RAP1GAP2: variants seen among roughly 807,000 people sequenced by gnomAD.
RAP1GAP2 encodes rap1 GTPase-activating protein 2.
In RAP1GAP2, 27 loss-of-function variants were observed where a neutral mutation model predicts 95.0. That is an observed-to-expected ratio of 0.28 (90% CI 0.21 to 0.39). The LOEUF (loss-of-function observed/expected upper bound fraction) is 0.39, where lower values mean the gene tolerates loss of function less well. RAP1GAP2 is among the 10% of genes least tolerant of loss of function. The pLI is 1.00. For missense variants in RAP1GAP2, 771 were observed against 970.0 expected, an observed-to-expected ratio of 0.79 and a Z score of 2.72; for synonymous variants, 373 against 380.9, an observed-to-expected ratio of 0.98 and a Z score of 0.24.
upstream of RAP1GAP2, among the ~76,000 whole-genome samples, chr17:2,792,416 CTG>C (rs1401146346): frequency 1.3e-5 from 2 of 152,182 alleles, no homozygotes; most frequent in Non-Finnish European, 2.9e-5. Flanking sequence ...GAAGAGAAAA[CTG>C]AGGCCTGGAG....
At chr17:2,934,065 C>T (rs2043233430) in intron 3 of RAP1GAP2, among the ~76,000 whole-genome samples, 1 of 152,252 alleles carries the variant, frequency 6.6e-6, no homozygotes, top group Non-Finnish European at 1.5e-5. Context: ...CCACGGATGG[C>T]GTCCGTCATC....
At chr17:2,907,586 C>G (rs890776180) in intron 3 of RAP1GAP2, among the ~76,000 whole-genome samples, 10 of 152,142 alleles carry the variant, frequency 6.6e-5, no homozygotes, top group Admixed American at 3.9e-4. Flanking sequence ...AACCTAGTCT[C>G]GGAGAGGGTC....
intron 3 of RAP1GAP2, among the ~76,000 whole-genome samples, chr17:2,927,209 A>T (rs940297696): frequency 2.0e-5 from 3 of 150,008 alleles, no homozygotes; most frequent in Non-Finnish European, 3.0e-5. Flanking sequence ...GCTGGAGTGC[A>T]GTGGCGCGAT....
At chr17:2,884,002 G>C (rs1000650496) in intron 2 of RAP1GAP2, among the ~76,000 whole-genome samples, 50 of 152,222 alleles carry the variant, frequency 3.3e-4, no homozygotes, top group African/African-American at 1.2e-3. Flanking sequence ...GCTCCTGTCA[G>C]CCTTCACCTC....
rs78293568 is a variant in RAP1GAP2, at chr17:2,768,711, G to A, written c.51-1618G>A. Among the ~76,000 whole-genome samples, 9 of 112,790 alleles carry A rather than the reference G, an allele frequency of 8.0e-5. No individual in the cohort carries two copies. In the East Asian group the frequency reaches 1.5e-3, roughly 19 times the overall value. The allele number at this position is 112,790 out of a possible 152,430, so 74.0% of individuals were successfully genotyped here. A position where few individuals can be genotyped will look rare whatever the true frequency, so the allele number is the denominator to read the frequency against. On this transcript the variant is annotated intron_variant, in intron 1 of 25. Coordinates refer to the RAP1GAP2 transcript ENST00000637138. ...CTGTCTCAAAAAAAAAAAAAAAAAA[G>A]AGTTGAATTAATGAATAGATTCATG...
At chr17:2,959,675 A>G (rs754478730) in intron 4 of RAP1GAP2, among the ~76,000 whole-genome samples, 8 of 152,238 alleles carry the variant, frequency 5.3e-5, no homozygotes, top group Non-Finnish European at 7.3e-5. Context: ...ACCTAGCCCA[A>G]GAGTCTGGGA....
intron 10 of RAP1GAP2, among the ~76,000 whole-genome samples, chr17:2,982,352 C>A (rs1418270617): frequency 6.6e-6 from 1 of 152,170 alleles, no homozygotes; most frequent in Non-Finnish European, 1.5e-5. Context: ...GTTGGCCAGG[C>A]TGGTCTCGAA....
rs1567928229 is a variant in RAP1GAP2, at chr17:3,035,536, A to T, written c.*2175A>T. The T allele has an allele frequency of 6.5e-6, 1 of 152,802 alleles. No homozygotes were observed. The highest frequency in any genetic ancestry group is 1.5e-5 in the Non-Finnish European group (1 of 68,530). 9.5% of individuals were successfully genotyped at this position (152,802 alleles called of 1,614,324 possible). ...CCCTGCCTCTGAGCTGGTGGGCAGG[A>T]TGGCTGGGTGGCCCCCAGAGAAGCA... On this transcript the variant is annotated 3_prime_UTR_variant, in exon 25 of 25. Transcript: ENST00000254695. The surrounding 1 kb of genome is among the most constrained non-coding windows in gnomAD (Gnocchi z 4.3).
intron 1 of RAP1GAP2, among the ~76,000 whole-genome samples, chr17:2,763,693 C>T (rs1265935973): frequency 6.7e-6 from 1 of 149,204 alleles, no homozygotes; most frequent in Non-Finnish European, 1.5e-5. Flanking sequence ...GAGACTCTGT[C>T]TCAAAACAAA....
intron 3 of RAP1GAP2, among the ~76,000 whole-genome samples, chr17:2,948,997 C>T (rs1200077599): frequency 6.6e-6 from 1 of 152,212 alleles, no homozygotes; most frequent in Non-Finnish European, 1.5e-5. Flanking sequence ...TTCACGTCTG[C>T]CCCTGCTACC....
intron 2 of RAP1GAP2, among the ~76,000 whole-genome samples, chr17:2,832,239 T>C (rs1449990130): frequency 1.4e-5 from 2 of 147,320 alleles, no homozygotes; most frequent in East Asian, 2.0e-4. Context: ...CCCAAATCAT[T>C]TTCCTTAAAA....
At chr17:2,942,143 C>T (rs2043522806) in intron 3 of RAP1GAP2, among the ~76,000 whole-genome samples, 1 of 152,128 alleles carries the variant, frequency 6.6e-6, no homozygotes, top group South Asian at 2.1e-4. Flanking sequence ...GAATTTGAAT[C>T]AGGATTCATT....
intron 13 of RAP1GAP2, among the ~76,000 whole-genome samples, chr17:2,996,919 T>C (rs1209935932): frequency 3.3e-5 from 5 of 152,114 alleles, no homozygotes; most frequent in African/African-American, 1.2e-4. Flanking sequence ...CAGTGGGTGC[T>C]TAACAAAGGA....
At chr17:2,788,094 T>G (rs1221643894) in intron 1 of RAP1GAP2, among the ~76,000 whole-genome samples, 1 of 152,228 alleles carries the variant, frequency 6.6e-6, no homozygotes, top group Non-Finnish European at 1.5e-5. Flanking sequence ...TGAGTTAACC[T>G]GTGCAATAAA....
intron 3 of RAP1GAP2, among the ~76,000 whole-genome samples, chr17:2,949,314 G>T (rs188244221): frequency 6.6e-6 from 1 of 152,192 alleles, no homozygotes; most frequent in Non-Finnish European, 1.5e-5. Flanking sequence ...AAAATCCAGC[G>T]GCTGGCTTCC....
At chr17:2,851,284 T>C (rs1186758296) in intron 2 of RAP1GAP2, among the ~76,000 whole-genome samples, 2 of 152,124 alleles carry the variant, frequency 1.3e-5, no homozygotes, top group African/African-American at 4.8e-5. Flanking sequence ...TGGTCTTCCA[T>C]TTTTCTTTCT....
intron 3 of RAP1GAP2, among the ~76,000 whole-genome samples, chr17:2,922,637 G>A (rs1395592431): frequency 6.6e-6 from 1 of 152,082 alleles, no homozygotes; most frequent in African/African-American, 2.4e-5. Context: ...CACAAATGGG[G>A]TAGAGCATGA....
At chr17:2,883,702 G>A (rs1436231183) in intron 2 of RAP1GAP2, among the ~76,000 whole-genome samples, 2 of 152,122 alleles carry the variant, frequency 1.3e-5, no homozygotes, top group East Asian at 1.9e-4. Context: ...CTTGGGAGTC[G>A]GCTTTTGAGC....
chr17:2,823,626 C>T (rs911944585), intron 2 of RAP1GAP2, among the ~76,000 whole-genome samples: 2 of 152,156 alleles, frequency 1.3e-5, no homozygotes, highest in African/African-American at 4.8e-5. Flanking sequence ...CCGGCTGGGC[C>T]GTCAGAACCC....
Sources: allele counts gnomAD v4.1 joint callset (sites outside exome capture counted in the v4.1 genomes callset), GRCh38; gene constraint gnomAD v4.1.1; non-coding constraint Gnocchi (gnomAD v3.1); transcripts MANE v1.5; gene names NCBI Gene and HGNC (gene_info 2026-07-23, HGNC 2026-07-21).